Variants in HIBADH observed in about 807,000 individuals in gnomAD.
HIBADH encodes the protein 3-hydroxyisobutyrate dehydrogenase.
In HIBADH, 25 loss-of-function variants were observed where a neutral mutation model predicts 36.1. The observed-to-expected ratio is 0.69, with a 90% CI of 0.50 to 0.97. The LOEUF is 0.97. Among genes scored for constraint, HIBADH ranks in the 50% least tolerant of loss-of-function variants. HIBADH has a pLI of 0.00. For missense variants in HIBADH, 421 were observed against 418.0 expected (o/e 1.01, Z -0.06); for synonymous variants, 160 against 149.5 (o/e 1.07, Z -0.51).
intron 4 of HIBADH, among the ~76,000 whole-genome samples, chr7:27,581,913 A>G (rs984558204): frequency 1.1e-4 from 17 of 151,910 alleles, no homozygotes; most frequent in African/African-American, 4.1e-4. Context: ...GATCCTCTAG[A>G]AAAAAAATAT....
chr7:27,552,638 G>A (rs1292374500), intron 4 of HIBADH, among the ~76,000 whole-genome samples: 1 of 152,174 alleles, frequency 6.6e-6, no homozygotes, highest in Non-Finnish European at 1.5e-5. Context: ...GGGATGTGTT[G>A]TTAAGTGCTG....
intron 4 of HIBADH, among the ~76,000 whole-genome samples, chr7:27,625,687 A>G (rs1296423110): frequency 3.3e-5 from 5 of 152,186 alleles, no homozygotes; most frequent in African/African-American, 9.7e-5. Flanking sequence ...TTGCACATAT[A>G]TTCAATATTT....
intron 4 of HIBADH, among the ~76,000 whole-genome samples, chr7:27,546,091 G>A (rs1433660356): frequency 7.2e-5 from 11 of 152,016 alleles, no homozygotes; most frequent in Admixed American, 5.9e-4. Flanking sequence ...AATGTATGCT[G>A]TAAAATAAAA....
rs141047822 is a variant in HIBADH, at chr7:27,531,238, G to A, written c.806C>T (p.Ser269Leu). 51 of 1,613,882 alleles carry A rather than the reference G, an allele frequency of 3.2e-5. No homozygotes were observed. Among genetic ancestry groups the A allele is most frequent in the Non-Finnish European group, 4.1e-5 (48 of 1,179,912 alleles). ...AAATCCACCCTGATAGTTATTAGCC[G>A]AGGGAACGCCATCCATCACTCCAGG... ...PVPGVMDGVP[S>L]ANNYQGGFGT... The change falls in exon 7 of 8, where the codon TCG (serine) becomes TTG (leucine). Residue 269 changes from serine (S) to leucine (L), a missense_variant. Transcript: ENST00000265395.
At chr7:27,564,158 A>G (rs1481188871) in intron 4 of HIBADH, among the ~76,000 whole-genome samples, 1 of 152,096 alleles carries the variant, frequency 6.6e-6, no homozygotes, top group Non-Finnish European at 1.5e-5. Flanking sequence ...TCAGCCTCCC[A>G]AAGTGCTGGG....
intron 2 of HIBADH, among the ~76,000 whole-genome samples, chr7:27,644,970 T>C (rs2128296341): frequency 6.6e-6 from 1 of 152,286 alleles, no homozygotes; most frequent in Admixed American, 6.5e-5. Context: ...GGTTTATCAA[T>C]GTTGCAGCAA....
intron 2 of HIBADH, among the ~76,000 whole-genome samples, chr7:27,648,075 T>C (rs1786110200): frequency 6.6e-6 from 1 of 152,236 alleles, no homozygotes; most frequent in African/African-American, 2.4e-5. Flanking sequence ...CAAATAGATG[T>C]GTTATCCCAA....
chr7:27,531,101 G>A, intron 7 of HIBADH, 91 bp downstream of exon 7: 3 of 1,320,740 alleles, frequency 2.3e-6, no homozygotes, highest in Non-Finnish European at 3.1e-6. Flanking sequence ...TCTTACCTGA[G>A]ACATATGCTT....
intron 4 of HIBADH, among the ~76,000 whole-genome samples, chr7:27,623,823 G>T (rs1473037615): frequency 6.6e-6 from 1 of 152,028 alleles, no homozygotes; most frequent in African/African-American, 2.4e-5. Context: ...TTTGAGACAA[G>T]GTCTCACTCT....
chr7:27,589,491 T>A (rs182358673), intron 4 of HIBADH, among the ~76,000 whole-genome samples: 243 of 152,322 alleles, frequency 1.6e-3, no homozygotes, highest in Non-Finnish European at 2.5e-3. Flanking sequence ...ATACTGTGGA[T>A]CAGACACTTT....
intron 4 of HIBADH, among the ~76,000 whole-genome samples, chr7:27,555,875 T>G (rs1784382168): frequency 6.6e-6 from 1 of 152,142 alleles, no homozygotes; most frequent in Admixed American, 6.5e-5. Flanking sequence ...TGCATGCAAG[T>G]GTGTGTCCTG....
At chr7:27,642,691 G>A (rs1170349080) in intron 2 of HIBADH, among the ~76,000 whole-genome samples, 1 of 134,702 alleles carries the variant, frequency 7.4e-6, no homozygotes, top group Non-Finnish European at 1.5e-5. Context: ...TCGCTCTGTC[G>A]CCCAGGCTGG....
intron 2 of HIBADH, 50 bp downstream of exon 2, chr7:27,649,423 T>C: frequency 6.9e-7 from 1 of 1,448,354 alleles, no homozygotes; most frequent in Non-Finnish European, 9.4e-7. Flanking sequence ...TGAATGTATA[T>C]TCATTTTTCA....
chr7:27,619,321 A>T lies in HIBADH; in HGVS notation c.484+10050T>A, dbSNP rs568824190. ...CACCTTTAAGAAAAAGTCTTCCCCT[A>T]TAAAAAGTAAATTCAAAAATAGGAG... is the stretch of plus-strand genomic sequence containing the variant. On this transcript the variant is annotated intron_variant, in intron 4 of 7. Coordinates refer to ENST00000265395, the MANE Select transcript of HIBADH (RefSeq NM_152740.4). 9.8e-5 allele frequency among the ~76,000 whole-genome samples: 15 copies of T among 152,318 alleles called. No individual in the cohort carries two copies. In the South Asian group the frequency reaches 2.7e-3, roughly 27 times the overall value.
chr7:27,603,612 G>A (rs1472292050), intron 4 of HIBADH, among the ~76,000 whole-genome samples: 1 of 151,938 alleles, frequency 6.6e-6, no homozygotes, highest in Admixed American at 6.6e-5. Context: ...CACATTAACT[G>A]TGTCCTAATC....
chr7:27,640,911 T>G (rs1485542914), intron 2 of HIBADH, among the ~76,000 whole-genome samples: 1 of 152,208 alleles, frequency 6.6e-6, no homozygotes. Context: ...ACCACCTTTA[T>G]GTATGCAGTC....
At chr7:27,642,841 C>CG (rs1562656153) in intron 2 of HIBADH, among the ~76,000 whole-genome samples, 1 of 151,738 alleles carries the variant, frequency 6.6e-6, no homozygotes, top group African/African-American at 2.4e-5. Flanking sequence ...TTAGTAGAGA[C>CG]GGGGTTTCAC....
Position 27,652,581 on chromosome 7 carries a change from G to A in HIBADH, c.92-2948C>T, listed in dbSNP as rs137943610. 4.3e-3 allele frequency among the ~76,000 whole-genome samples: 649 copies of A among 152,282 alleles called. 9 individuals are homozygous for A. The highest frequency in any genetic ancestry group is 0.015 in the African/African-American group (633 of 41,554). ...AATATACCATAATGGCTTAAATAAC[G>A]AACACTTATTTCTCACAGTTCTGGA... On this transcript the variant is annotated intron_variant, in intron 1 of 7. Coordinates refer to ENST00000265395, the MANE Select transcript of HIBADH (RefSeq NM_152740.4).
intron 4 of HIBADH, among the ~76,000 whole-genome samples, chr7:27,558,894 G>A (rs981043664): frequency 7.9e-5 from 12 of 152,238 alleles, no homozygotes; most frequent in African/African-American, 2.9e-4. Flanking sequence ...ATATTTTCAA[G>A]TTTGAAATGG....
Sources: gnomAD v4.1 joint callset for allele counts (sites outside exome capture counted in the v4.1 genomes callset) on GRCh38, gnomAD v4.1.1 for gene constraint, MANE v1.5 for transcripts, NCBI Gene and HGNC (gene_info 2026-07-23, HGNC 2026-07-21) for gene names.